Variants in ERG observed in about 807,000 individuals in gnomAD.
ERG encodes ETS transcription factor ERG, also known as transcriptional regulator ERG.
A neutral mutation model predicts 55.3 loss-of-function variants in ERG; 9 were observed. That is an observed-to-expected ratio of 0.16 (90% CI 0.10 to 0.28). The LOEUF (loss-of-function observed/expected upper bound fraction) is 0.28, where lower values mean the gene tolerates loss of function less well. ERG is among the 10% of genes least tolerant of loss of function. The probability of loss-of-function intolerance (pLI) is 1.00; values close to 1 mark genes in which losing one functional copy is unlikely to be tolerated. For synonymous variants in ERG, 223 were observed against 237.3 expected (o/e 0.94, Z 0.55); for missense variants, 434 against 631.6 (o/e 0.69, Z 3.35).
At position 38,392,416 on chromosome 21, in the gene ERG, T is replaced by G; in HGVS notation, c.774A>C (p.Ser258=). 6.4e-7 allele frequency: 1 copy of G among 1,564,670 alleles called. No individual in the cohort carries two copies. Among genetic ancestry groups the G allele is most frequent in the Non-Finnish European group, 8.7e-7 (1 of 1,153,182 alleles). The change falls in exon 7 of 10, where the codon TCA becomes TCC. Residue 258 remains serine (S), a synonymous_variant. Transcript: ENST00000288319. ...TGGGGTGGCCGTGACCGGTCCAGGC[T>G]GATCTCCTGGGGGGCTCATATGGTA... The part of the protein sequence containing the change: ...PDLPYEPPRR[S]AWTGHGHPTP...
intron 2 of ERG, among the ~76,000 whole-genome samples, chr21:38,439,343 C>T (rs550878786): frequency 6.6e-6 from 1 of 152,320 alleles, no homozygotes; most frequent in South Asian, 2.1e-4. Flanking sequence ...GCTTATCCTG[C>T]TAGTCTATCA....
chr21:38,380,147 T>C lies in ERG; in HGVS notation c.*3256A>G, dbSNP rs1987358912. 1 of 1,040,258 alleles carries C rather than the reference T, an allele frequency of 9.6e-7. No homozygotes were observed. Among genetic ancestry groups the C allele is most frequent in the Admixed American group, 5.6e-5 (1 of 17,790 alleles). The allele number at this position is 1,040,258 out of a possible 1,614,324, so 64.4% of individuals were successfully genotyped here. A position where few individuals can be genotyped will look rare whatever the true frequency, so the allele number is the denominator to read the frequency against. ...TAGCTTTTTAAAAAATATTTTCTTC[T>C]CTTTCTCCAGGCAATGGGTCACTTT... On this transcript the variant is annotated 3_prime_UTR_variant, in exon 10 of 10. Coordinates refer to ENST00000288319, the MANE Select transcript of ERG (RefSeq NM_182918.4).
intron 1 of ERG, among the ~76,000 whole-genome samples, chr21:38,455,868 T>TG (rs2058983617): frequency 7.7e-6 from 1 of 130,644 alleles, no homozygotes; most frequent in Non-Finnish European, 1.7e-5. Context: ...ATTGGTACGG[T>TG]CCCCCCCCTC....
chr21:38,568,717 C>T (rs1267862866), intron 2 of ERG, among the ~76,000 whole-genome samples: 1 of 152,158 alleles, frequency 6.6e-6, no homozygotes, highest in African/African-American at 2.4e-5. Flanking sequence ...TAGTGATTAG[C>T]TTAGCTGAAT....
At chr21:38,593,883 CAGATAT>C (rs1327407423) in intron 1 of ERG, among the ~76,000 whole-genome samples, 1 of 151,838 alleles carries the variant, frequency 6.6e-6, no homozygotes, top group African/African-American at 2.4e-5. Context: ...TTGTAGGAGG[CAGATAT>C]AGTATAGAGA....
intron 3 of ERG, among the ~76,000 whole-genome samples, chr21:38,416,338 T>C (rs1298590347): frequency 2.0e-5 from 3 of 152,354 alleles, no homozygotes; most frequent in Middle Eastern, 3.4e-3. Flanking sequence ...AAAGGGATCC[T>C]TCTTTTAGGA....
intron 1 of ERG, among the ~76,000 whole-genome samples, chr21:38,447,079 A>G (rs1431457169): frequency 1.3e-5 from 2 of 151,952 alleles, no homozygotes; most frequent in African/African-American, 2.4e-5. Flanking sequence ...GAAGGATCAG[A>G]ATTTTTAGGA....
At chr21:38,575,566 G>T in intron 2 of ERG, 2 of 880,648 alleles carry the variant, frequency 2.3e-6, no homozygotes, top group South Asian at 1.4e-5. Flanking sequence ...GGGCTGTGTT[G>T]ACTGACCCCT....
chr21:38,644,077 T>A (rs1184783460), intron 1 of ERG, among the ~76,000 whole-genome samples: 1 of 152,114 alleles, frequency 6.6e-6, no homozygotes, highest in South Asian at 2.1e-4. Context: ...CATAGCCACT[T>A]TTTCCCCTCT....
intron 6 of ERG, chr21:38,395,528 T>C (rs1988173284): frequency 4.9e-6 from 1 of 202,916 alleles, no homozygotes. Flanking sequence ...GAAGTGCCCA[T>C]GTAAGGGAAG....
At chr21:38,426,540 T>C (rs1989830523) in intron 2 of ERG, among the ~76,000 whole-genome samples, 1 of 152,188 alleles carries the variant, frequency 6.6e-6, no homozygotes, top group Admixed American at 6.5e-5. Context: ...AGACAGCTGT[T>C]ATCAAGTGCC....
intron 2 of ERG, among the ~76,000 whole-genome samples, chr21:38,441,113 C>T (rs2058837174): frequency 2.0e-5 from 3 of 152,172 alleles, no homozygotes; most frequent in South Asian, 4.1e-4. Context: ...CCAGCAGCAG[C>T]GGTGAACTGG....
At chr21:38,419,770 CT>C (rs892207736) in intron 3 of ERG, among the ~76,000 whole-genome samples, 9 of 151,746 alleles carry the variant, frequency 5.9e-5, no homozygotes, top group East Asian at 1.9e-4. Flanking sequence ...TTTTTTGACA[CT>C]TTTTTTATGG....
chr21:38,564,893 G>A (rs1176935254), intron 2 of ERG, among the ~76,000 whole-genome samples: 1 of 152,078 alleles, frequency 6.6e-6, no homozygotes, highest in Non-Finnish European at 1.5e-5. Context: ...ATAGCCTTAG[G>A]CTTAGGAATC....
chr21:38,380,634 A>G lies in ERG; in HGVS notation c.*2769T>C, dbSNP rs17815631. 50,965 of 1,065,236 alleles carry G rather than the reference A, an allele frequency of 0.048. 1,323 individuals carry two copies. The highest frequency in any genetic ancestry group is 0.062 in the Middle Eastern group (149 of 2,400). The allele number at this position is 1,065,236 out of a possible 1,614,324, so 66.0% of individuals were successfully genotyped here. ...GGCTTTGGAATTAGATTACAACAGT[A>G]ACAGAGAGTTAATGCCATTTTGAAA... On this transcript the variant is annotated 3_prime_UTR_variant, in exon 10 of 10. Transcript: ENST00000288319.
chr21:38,439,631 T>C (rs1259129381), intron 2 of ERG, among the ~76,000 whole-genome samples: 1 of 152,256 alleles, frequency 6.6e-6, no homozygotes, highest in Non-Finnish European at 1.5e-5. Flanking sequence ...ATTAGATTAC[T>C]GTCTGCAAGA....
chr21:38,567,076 G>C (rs966350490), intron 2 of ERG, among the ~76,000 whole-genome samples: 5 of 152,182 alleles, frequency 3.3e-5, no homozygotes, highest in African/African-American at 7.2e-5. Context: ...GCCAGACTGG[G>C]GGGGGGATTG....
intron 1 of ERG, among the ~76,000 whole-genome samples, chr21:38,637,038 A>AG (rs1222764804): frequency 6.6e-6 from 1 of 152,186 alleles, no homozygotes; most frequent in Non-Finnish European, 1.5e-5. Flanking sequence ...GCCCAGTGGG[A>AG]GGCAGGCTTG....
At chr21:38,659,671 C>T (rs143177959) in intron 1 of ERG, among the ~76,000 whole-genome samples, 19 of 152,244 alleles carry the variant, frequency 1.2e-4, no homozygotes, top group African/African-American at 1.9e-4. Flanking sequence ...GTAGCACATA[C>T]GAATATGTTA....
Sources: allele counts gnomAD v4.1 joint callset (sites outside exome capture counted in the v4.1 genomes callset), GRCh38; gene constraint gnomAD v4.1.1; transcripts MANE v1.5; gene names NCBI Gene and HGNC (gene_info 2026-07-23, HGNC 2026-07-21).